TENM3: variants seen among roughly 807,000 people sequenced by gnomAD.
The protein encoded by TENM3 is teneurin-3.
A neutral mutation model predicts 255.1 loss-of-function variants in TENM3; 63 were observed. That is an observed-to-expected ratio of 0.25 (90% CI 0.20 to 0.30). TENM3 has a LOEUF of 0.30. TENM3 is among the 10% of genes least tolerant of loss of function. The pLI, the probability that TENM3 is intolerant of heterozygous loss-of-function variation, is 1.00. For synonymous variants in TENM3, 1,306 were observed against 1,322.3 expected (o/e 0.99, Z 0.27); for missense variants, 2,929 against 3,461.1 (o/e 0.85, Z 3.86).
At chr4:181,829,283 T>C in the TENM3 span, among the ~76,000 whole-genome samples, 1 of 152,218 alleles carries the variant, frequency 6.6e-6, no homozygotes, top group Non-Finnish European at 1.5e-5. Context: ...GTTTTCTAGA[T>C]TTTACAGTGT....
the TENM3 span, among the ~76,000 whole-genome samples, chr4:181,751,998 T>G: frequency 1.3e-5 from 2 of 152,242 alleles, no homozygotes; most frequent in Non-Finnish European, 2.9e-5. Context: ...TCCTGTTTCC[T>G]GACTTGGCTT....
At chr4:182,658,517 C>A (rs2152524824) in intron 6 of TENM3, among the ~76,000 whole-genome samples, 1 of 152,330 alleles carries the variant, frequency 6.6e-6, no homozygotes, top group Non-Finnish European at 1.5e-5. Context: ...TAGTAGTAGA[C>A]TACATAAAAT....
At chr4:181,908,642 T>C in the TENM3 span, among the ~76,000 whole-genome samples, 1 of 152,164 alleles carries the variant, frequency 6.6e-6, no homozygotes. Context: ...GAATAGATGC[T>C]AAGAGAATAA....
intron 3 of TENM3, among the ~76,000 whole-genome samples, chr4:182,497,140 G>A (rs1249257369): frequency 6.0e-5 from 9 of 150,992 alleles, no homozygotes; most frequent in African/African-American, 2.0e-4. Context: ...TGTAACCTCC[G>A]CCTCCCGGGT....
the TENM3 span, among the ~76,000 whole-genome samples, chr4:181,549,382 C>A: frequency 2.6e-5 from 4 of 152,126 alleles, no homozygotes; most frequent in African/African-American, 9.7e-5. Flanking sequence ...TCATTGTTAT[C>A]CTCGGTAGTA....
chr4:181,624,362 G>A, the TENM3 span, among the ~76,000 whole-genome samples: 2 of 152,284 alleles, frequency 1.3e-5, no homozygotes, highest in South Asian at 2.1e-4. Flanking sequence ...TTCAATGGCC[G>A]AAGTAAATCC....
At chr4:182,701,989 T>C (rs2152640680) in intron 12 of TENM3, among the ~76,000 whole-genome samples, 1 of 152,362 alleles carries the variant, frequency 6.6e-6, no homozygotes, top group African/African-American at 2.4e-5. Flanking sequence ...TGTCTTAGTT[T>C]CCAAATAGTT....
chr4:182,266,052 C>T (rs1437695065), intron 1 of TENM3, among the ~76,000 whole-genome samples: 3 of 152,216 alleles, frequency 2.0e-5, no homozygotes, highest in African/African-American at 7.2e-5. Flanking sequence ...GGCCTGGGGA[C>T]ATGTGGAGTT....
chr4:181,667,595 T>C, the TENM3 span, among the ~76,000 whole-genome samples: 1 of 152,014 alleles, frequency 6.6e-6, no homozygotes, highest in South Asian at 2.1e-4. Flanking sequence ...AAAGGATGAG[T>C]TCTCCCACCC....
chr4:182,670,293 T>G (rs1476989534), intron 6 of TENM3, among the ~76,000 whole-genome samples: 1 of 152,204 alleles, frequency 6.6e-6, no homozygotes, highest in African/African-American at 2.4e-5. Flanking sequence ...TTTGGAAATT[T>G]TATTCCTTAG....
chr4:181,778,822 A>C, the TENM3 span, among the ~76,000 whole-genome samples: 2 of 152,250 alleles, frequency 1.3e-5, no homozygotes, highest in East Asian at 3.9e-4. Context: ...AGAGTTCCTT[A>C]CTGGAATTTC....
At chr4:182,135,274 A>T in the TENM3 span, among the ~76,000 whole-genome samples, 1 of 151,072 alleles carries the variant, frequency 6.6e-6, no homozygotes, top group Admixed American at 6.6e-5. Flanking sequence ...GGATAGCTTT[A>T]CCTAGAAGGT....
chr4:181,681,233 G>C, the TENM3 span, among the ~76,000 whole-genome samples: 12 of 152,056 alleles, frequency 7.9e-5, no homozygotes, highest in African/African-American at 2.9e-4. Flanking sequence ...TAGCTTGCCT[G>C]GATTATGAAG....
chr4:181,665,004 A>C, the TENM3 span, among the ~76,000 whole-genome samples: 1 of 152,208 alleles, frequency 6.6e-6, no homozygotes, highest in Admixed American at 6.5e-5. Context: ...AACTCCTTTC[A>C]TACCCAAGTC....
At chr4:182,372,994 C>G (rs961896069) in intron 3 of TENM3, among the ~76,000 whole-genome samples, 1 of 152,092 alleles carries the variant, frequency 6.6e-6, no homozygotes, top group Admixed American at 6.6e-5. Flanking sequence ...CCTGCCTCGG[C>G]CTCCCAAAGT....
At chr4:181,948,344 A>G in the TENM3 span, among the ~76,000 whole-genome samples, 3 of 152,202 alleles carry the variant, frequency 2.0e-5, no homozygotes, top group East Asian at 1.9e-4. Context: ...TAACCTTAAG[A>G]ATAAGGAAAT....
intron 3 of TENM3, among the ~76,000 whole-genome samples, chr4:182,429,029 T>C (rs1382389009): frequency 6.6e-6 from 1 of 152,228 alleles, no homozygotes. Context: ...TTGACCTAAC[T>C]GATCCTAAGG....
Position 182,799,863 on chromosome 4 carries a change from C to T in TENM3, c.7612C>T (p.His2538Tyr), listed in dbSNP as rs373256969. Residue 2538 changes from histidine to tyrosine, a missense_variant, in exon 28 of 28, where the codon CAC (histidine) becomes TAC (tyrosine). His to Tyr is a moderately conservative substitution (Grantham distance 83). This residue lies in a region of TENM3 where 476 missense variants were observed against 480.1 expected (regional missense o/e 0.99). Coordinates refer to ENST00000511685, the MANE Select transcript of TENM3 (RefSeq NM_001080477.4). The surrounding 1 kb of genome is among the most constrained non-coding windows in gnomAD (Gnocchi z 4.2). ...CAACGCCTTCTACCTGGAGAACCTG[C>T]ACTTCACCATCGAGGGCAAGGACAC... ...LNNAFYLENL[H>Y]FTIEGKDTHY... The T allele has an allele frequency of 6.2e-7, 1 of 1,611,176 alleles. No homozygotes were observed. The highest frequency in any genetic ancestry group is 8.5e-7 in the Non-Finnish European group (1 of 1,179,002).
At chr4:182,679,432 C>T (rs528628110) in intron 7 of TENM3, among the ~76,000 whole-genome samples, 1 of 152,026 alleles carries the variant, frequency 6.6e-6, no homozygotes, top group Non-Finnish European at 1.5e-5. Flanking sequence ...ACCATATTGC[C>T]CAATAAGGGA....
Sources: gnomAD v4.1 joint callset for allele counts (sites outside exome capture counted in the v4.1 genomes callset) on GRCh38, gnomAD v4.1.1 for gene constraint, gnomAD v4.1.1 regional missense constraint, Gnocchi (gnomAD v3.1) non-coding constraint, MANE v1.5 for transcripts, NCBI Gene and HGNC (gene_info 2026-07-23, HGNC 2026-07-21) for gene names.